ZNF644: variants seen among roughly 807,000 people sequenced by gnomAD.
ZNF644 encodes zinc finger protein 644, also known as zinc finger motif enhancer binding protein 2.
Under a neutral mutation model 108.0 loss-of-function variants are expected in ZNF644, and 20 were observed. The observed-to-expected ratio is 0.19, with a 90% CI of 0.13 to 0.27. The LOEUF (loss-of-function observed/expected upper bound fraction) is 0.27. Among genes scored for constraint, ZNF644 ranks in the 10% least tolerant of loss-of-function variants. ZNF644 has a pLI of 1.00. For synonymous variants in ZNF644, 542 were observed against 539.1 expected, an observed-to-expected ratio of 1.01 and a Z score of -0.08; for missense variants, 1,338 against 1,548.9, an observed-to-expected ratio of 0.86 and a Z score of 2.29.
At chr1:91,016,501 T>C (rs1660444841) in intron 1 of ZNF644, among the ~76,000 whole-genome samples, 2 of 152,236 alleles carry the variant, frequency 1.3e-5, no homozygotes, top group Non-Finnish European at 2.9e-5. Context: ...AACTGTTTAG[T>C]ATTTGTGTAT....
At chr1:90,934,405 A>T (rs900501157) in intron 4 of ZNF644, among the ~76,000 whole-genome samples, 1 of 152,232 alleles carries the variant, frequency 6.6e-6, no homozygotes, top group African/African-American at 2.4e-5. Context: ...TCTAAAAAAG[A>T]GCAAGAGAAA....
chr1:90,952,998 A>G (rs1653342718), intron 2 of ZNF644, among the ~76,000 whole-genome samples: 1 of 150,138 alleles, frequency 6.7e-6, no homozygotes, highest in Admixed American at 6.7e-5. Context: ...ATAAAGAGAC[A>G]ACAATTAGAC....
chr1:90,992,087 C>G (rs1354227705), intron 1 of ZNF644, among the ~76,000 whole-genome samples: 2 of 151,948 alleles, frequency 1.3e-5, no homozygotes, highest in African/African-American at 4.8e-5. Context: ...TGTAAAATTC[C>G]AGAATATGCA....
rs908026702 is a variant in ZNF644 at position 90,970,330 on chromosome 1, T to C, written c.44+11980A>G. ...ATTGCTAACTATCCTTTCTTGTCGC[T>C]GAGAAAATTCTAGACCAGTACTAAG... is the stretch of plus-strand genomic sequence containing the variant. On this transcript the variant is annotated intron_variant, in intron 2 of 5. Transcript: ENST00000337393. 2.0e-5 allele frequency among the ~76,000 whole-genome samples: 3 copies of C among 152,184 alleles called. No individual in the cohort carries two copies. The South Asian group carries it at 6.2e-4, about 31-fold the overall frequency.
chr1:90,986,057 G>A (rs1657060569), intron 1 of ZNF644, among the ~76,000 whole-genome samples: 1 of 151,976 alleles, frequency 6.6e-6, no homozygotes, highest in Non-Finnish European at 1.5e-5. Flanking sequence ...CTACACCTAA[G>A]AAATATAATT....
Position 90,939,394 on chromosome 1 carries a change from T to G in ZNF644, c.1960A>C (p.Asn654His), listed in dbSNP as rs1651707691. ...TKQQSTTFPKNSALKQDVKRT... is the reference protein window; with the variant it reads ...TKQQSTTFPKHSALKQDVKRT... ...TTCACATCTTGTTTTAAAGCAGAGT[T>G]CTTTGGAAATGTGGTTGACTGTTGT... The change falls in exon 3 of 6, where the codon AAC becomes CAC. Residue 654 changes from asparagine (N) to histidine (H), a missense_variant. Physicochemically the swap from Asn to His is moderately conservative, Grantham distance 68. Coordinates refer to ENST00000337393, the MANE Select transcript of ZNF644 (RefSeq NM_201269.3). The G allele has an allele frequency of 6.2e-7, 1 of 1,614,020 alleles. No homozygotes were observed. Among genetic ancestry groups the G allele is most frequent in the Non-Finnish European group, 8.5e-7 (1 of 1,179,956 alleles).
At chr1:90,989,429 G>C (rs1053946401) in intron 1 of ZNF644, among the ~76,000 whole-genome samples, 3 of 152,134 alleles carry the variant, frequency 2.0e-5, no homozygotes, top group African/African-American at 7.2e-5. Flanking sequence ...TGTAGTACCA[G>C]CTACTTGAGA....
chr1:90,997,491 C>G (rs563443618), intron 1 of ZNF644, among the ~76,000 whole-genome samples: 1 of 151,432 alleles, frequency 6.6e-6, no homozygotes, highest in African/African-American at 2.4e-5. Flanking sequence ...AGAGGAGAAT[C>G]TGATTATCAG....
Position 90,940,890 on chromosome 1 carries a change from A to G in ZNF644, c.464T>C (p.Leu155Ser), listed in dbSNP as rs745333301. The G allele has an allele frequency of 1.9e-6, 3 of 1,614,044 alleles. No homozygotes were observed. Among genetic ancestry groups the G allele is most frequent in the Non-Finnish European group, 2.5e-6 (3 of 1,179,974 alleles). ...CAGCTGAAGATCAGCTGCTACCTTC[A>G]AAGTTGAACAAGATTCTGTTGTTGG... ...DQPTTESCST[L>S]KVAADLQLST... Residue 155 changes from leucine (L) to serine (S), a missense_variant, in exon 3 of 6, where the codon TTG (leucine) becomes TCG (serine). Around this residue, in one of 6 missense-constraint regions of ZNF644, gnomAD observed 464 missense variants for 457.9 expected, o/e 1.01. Coordinates refer to ENST00000337393, the MANE Select transcript of ZNF644 (RefSeq NM_201269.3).
Position 90,938,450 on chromosome 1 carries a change from G to A in ZNF644, c.2904C>T (p.Cys968=). 6.2e-7 allele frequency: 1 copy of A among 1,613,938 alleles called. No homozygotes were observed. The highest frequency in any genetic ancestry group is 8.5e-7 in the Non-Finnish European group (1 of 1,179,908). The stretch of plus-strand genomic sequence containing the variant: ...CAACACCTGTTTCAAATGTTGCTGG[G>A]CAGTAAGGACACGATTTCTTCTCAA... ...LSLEKKSCPY[C]PATFETGVGL... The change falls in exon 3 of 6, where the codon TGC becomes TGT. Residue 968 remains cysteine, a synonymous_variant. Coordinates refer to ENST00000337393, the MANE Select transcript of ZNF644 (RefSeq NM_201269.3). The surrounding 1 kb of genome is among the most constrained non-coding windows in gnomAD (Gnocchi z 4.2).
chr1:90,940,458 T>C lies in ZNF644; in HGVS notation c.896A>G (p.Lys299Arg). 5 of 1,613,686 alleles carry C rather than the reference T, an allele frequency of 3.1e-6. No individual in the cohort carries two copies. Among genetic ancestry groups the C allele is most frequent in the Non-Finnish European group, 4.2e-6 (5 of 1,179,896 alleles). ...GCAATCCTCGGTATAACGAGTTATCTTGCTTACATCCATTTTTCGCTTTCT... is the reference window on the plus strand; with the variant it reads ...GCAATCCTCGGTATAACGAGTTATCCTGCTTACATCCATTTTTCGCTTTCT... ...KKRKRKMDVS[K>R]ITRYTEDCFS... Residue 299 changes from lysine to arginine, a missense_variant, in exon 3 of 6, where the codon AAG becomes AGG. Physicochemically the swap from Lys to Arg is conservative, Grantham distance 26 (BLOSUM62 2). Transcript: ENST00000337393.
chr1:90,939,858 G>A lies in ZNF644; in HGVS notation c.1496C>T (p.Pro499Leu), dbSNP rs1213564468. 1.2e-6 allele frequency: 2 copies of A among 1,614,012 alleles called. No individual in the cohort carries two copies. Among genetic ancestry groups the A allele is most frequent in the Non-Finnish European group, 1.7e-6 (2 of 1,179,940 alleles). ...DEGRSARLQCPQCVFGTNCPK... is the reference protein window; with the variant it reads ...DEGRSARLQCLQCVFGTNCPK... ...GCAATTGGTACCAAACACACACTGA[G>A]GACACTGTAATCGTGCACTTCTTCC... is the stretch of plus-strand genomic sequence containing the variant. The change falls in exon 3 of 6, where the codon CCT becomes CTT. Residue 499 changes from proline to leucine, a missense_variant. By Grantham distance (98) the Pro-to-Leu change is moderately conservative (BLOSUM62 -3). This residue lies in a region of ZNF644 where 80 missense variants were observed against 183.0 expected (regional missense o/e 0.44). Coordinates refer to ENST00000337393, the MANE Select transcript of ZNF644 (RefSeq NM_201269.3).
Position 90,939,606 on chromosome 1 carries a change from G to A in ZNF644, c.1748C>T (p.Ser583Leu). 1.9e-6 allele frequency: 3 copies of A among 1,613,998 alleles called. No homozygotes were observed. Among genetic ancestry groups the A allele is most frequent in the Non-Finnish European group, 2.5e-6 (3 of 1,179,914 alleles). ...ACACATCTTACATATGTAGGTAGCT[G>A]ATTTTTTGGATGATCCTACTACAGA... ...KDSVVGSSKKSATYICKMCPF... is the reference protein window; with the variant it reads ...KDSVVGSSKKLATYICKMCPF... The change falls in exon 3 of 6, where the codon TCA becomes TTA. Residue 583 changes from serine to leucine, a missense_variant. Ser to Leu is a moderately radical substitution (Grantham distance 145). This residue lies in a region of ZNF644 where 462 missense variants were observed against 472.6 expected (regional missense o/e 0.98). Transcript: ENST00000337393.
At position 90,937,852 on chromosome 1, in the gene ZNF644, T is replaced by C. The variant is rs778067285; in HGVS notation, c.3321A>G (p.Val1107=). The stretch of plus-strand genomic sequence containing the variant: ...CATCACTTGATGCAAGTTTTTGAGC[T>C]ACAAATGGTCTGGGAATAATACGAC... ...NSRRIIPRPF[V]AQKLASSDDF... The change falls in exon 4 of 6, where the codon GTA becomes GTG. Residue 1107 remains valine, a synonymous_variant. Transcript: ENST00000337393. 8 of 1,613,822 alleles carry C rather than the reference T, an allele frequency of 5.0e-6. No homozygotes were observed. The African/African-American group carries it at 1.1e-4, about 22-fold the overall frequency.
chr1:90,956,079 G>A (rs892974693), intron 2 of ZNF644, among the ~76,000 whole-genome samples: 6 of 152,174 alleles, frequency 3.9e-5, no homozygotes, highest in Non-Finnish European at 5.9e-5. Context: ...GAGAGGGAGA[G>A]AGACAGGCAA....
chr1:90,932,144 C>G (rs1650802463), intron 4 of ZNF644, among the ~76,000 whole-genome samples: 1 of 152,156 alleles, frequency 6.6e-6, no homozygotes, highest in Non-Finnish European at 1.5e-5. Context: ...ATTCAGGATA[C>G]TTGAAGAGAT....
rs965708178 is a variant in ZNF644 at position 90,932,779 on chromosome 1, A to C, written c.3688+4706T>G. Among the ~76,000 whole-genome samples, 4 of 152,244 alleles carry C rather than the reference A, an allele frequency of 2.6e-5. No individual in the cohort carries two copies. The East Asian group carries it at 7.7e-4, about 29-fold the overall frequency. On this transcript the variant is annotated intron_variant, in intron 4 of 5. Transcript: ENST00000337393. Reference sequence around the variant, plus strand: ...TCTACTGATCAAGAAGATTTTTTTTAATGAGGGAAAAAATGTTTCAGAATT... The same window carrying C: ...TCTACTGATCAAGAAGATTTTTTTTCATGAGGGAAAAAATGTTTCAGAATT...
chr1:91,016,378 T>C (rs373257804), intron 1 of ZNF644, among the ~76,000 whole-genome samples: 3 of 152,350 alleles, frequency 2.0e-5, no homozygotes, highest in South Asian at 4.1e-4. Flanking sequence ...CAAACCTAGA[T>C]GGTAGAGCCT....
At chr1:91,008,688 T>C (rs946670914) in intron 1 of ZNF644, among the ~76,000 whole-genome samples, 1 of 152,186 alleles carries the variant, frequency 6.6e-6, no homozygotes, top group African/African-American at 2.4e-5. Context: ...ACCCACTGTA[T>C]TTTGCTTTAG....
Sources: allele counts gnomAD v4.1 joint callset (sites outside exome capture counted in the v4.1 genomes callset), GRCh38; gene constraint gnomAD v4.1.1; regional missense constraint gnomAD v4.1.1; non-coding constraint Gnocchi (gnomAD v3.1); transcripts MANE v1.5; gene names NCBI Gene and HGNC (gene_info 2026-07-23, HGNC 2026-07-21).